Variants in LTBP1 observed in about 807,000 individuals in gnomAD.
LTBP1 encodes latent-transforming growth factor beta-binding protein 1.
In LTBP1, 129 loss-of-function variants were observed where a neutral mutation model predicts 207.6. That is an observed-to-expected ratio of 0.62 (90% CI 0.54 to 0.72). The LOEUF (loss-of-function observed/expected upper bound fraction) is 0.72, where lower values mean the gene tolerates loss of function less well. Ranked by LOEUF, LTBP1 falls within the 30% of genes least tolerant of loss-of-function variation. The probability of loss-of-function intolerance (pLI) is 0.00; values close to 1 mark genes in which losing one functional copy is unlikely to be tolerated. For missense variants in LTBP1, 2,281 were observed against 2,217.2 expected, an observed-to-expected ratio of 1.03 and a Z score of -0.58; for synonymous variants, 963 against 833.7, an observed-to-expected ratio of 1.16 and a Z score of -2.67.
intron 2 of LTBP1, among the ~76,000 whole-genome samples, chr2:32,985,161 C>T (rs1260116497): frequency 2.0e-5 from 3 of 152,118 alleles, no homozygotes; most frequent in Admixed American, 6.5e-5. Flanking sequence ...TGTTTTCCCC[C>T]GGAACACAGG....
chr2:33,244,900 CAG>C (rs1340130824), intron 10 of LTBP1, among the ~76,000 whole-genome samples: 1 of 151,122 alleles, frequency 6.6e-6, no homozygotes, highest in African/African-American at 2.4e-5. Context: ...ATTTTTGAGA[CAG>C]AGTTTCACTT....
chr2:33,253,669 T>G (rs754454759), intron 11 of LTBP1, among the ~76,000 whole-genome samples: 1 of 152,146 alleles, frequency 6.6e-6, no homozygotes, highest in African/African-American at 2.4e-5. Context: ...CACAGGGCCA[T>G]GTAGTGTCTT....
chr2:33,255,139 C>T, intron 11 of LTBP1, among the ~76,000 whole-genome samples: 1 of 120,618 alleles, frequency 8.3e-6, no homozygotes, highest in Middle Eastern at 4.8e-3. Context: ...CATGTGATCT[C>T]ATTGTTCAAT....
chr2:33,200,481 T>C (rs564217064), intron 7 of LTBP1, among the ~76,000 whole-genome samples: 25 of 152,302 alleles, frequency 1.6e-4, no homozygotes, highest in African/African-American at 5.8e-4. Context: ...TAATTGAAGA[T>C]GGATTAAAGA....
At chr2:33,070,678 T>G (rs1026321195) in intron 3 of LTBP1, among the ~76,000 whole-genome samples, 1 of 152,206 alleles carries the variant, frequency 6.6e-6, no homozygotes, top group African/African-American at 2.4e-5. Context: ...GGGAGAGGCA[T>G]GTTCTAACGG....
At chr2:33,151,643 TC>T (rs1273700948) in intron 5 of LTBP1, among the ~76,000 whole-genome samples, 1 of 152,048 alleles carries the variant, frequency 6.6e-6, no homozygotes, top group Non-Finnish European at 1.5e-5. Flanking sequence ...GTCTCTAAAG[TC>T]CATTGTATTA....
At chr2:33,185,241 A>C (rs2087071473) in intron 5 of LTBP1, among the ~76,000 whole-genome samples, 2 of 152,138 alleles carry the variant, frequency 1.3e-5, no homozygotes, top group Non-Finnish European at 2.9e-5. Context: ...CAAAAAGTTG[A>C]CATCTTTGGT....
chr2:33,259,553 A>G (rs2092955096), intron 12 of LTBP1, 35 bp from the exon 13 acceptor site: 3 of 1,511,946 alleles, frequency 2.0e-6, no homozygotes, highest in Non-Finnish European at 2.7e-6. Context: ...ATTGTCTTAA[A>G]TGGTACTAAT....
intron 6 of LTBP1, among the ~76,000 whole-genome samples, chr2:33,188,148 C>T (rs958894716): frequency 2.0e-5 from 3 of 152,080 alleles, no homozygotes; most frequent in Non-Finnish European, 2.9e-5. Flanking sequence ...TGGCTGGGCA[C>T]GGTGGCTCAC....
chr2:33,243,774 A>G lies in LTBP1; in HGVS notation c.1989A>G (p.Ser663=), dbSNP rs748507245. The G allele has an allele frequency of 6.2e-7, 1 of 1,613,960 alleles. No homozygotes were observed. The highest frequency in any genetic ancestry group is 8.5e-7 in the Non-Finnish European group (1 of 1,179,908). The change falls in exon 10 of 34, where the codon TCA becomes TCG. Residue 663 remains serine (S), a synonymous_variant. Transcript: ENST00000404816. The part of the protein sequence containing the change: ...KIGFGPDPTF[S]SCVPDPPVIS... ...GATTTGGGCCGGATCCTACCTTTTC[A>G]AGTTGTGTTCGTAAGTAATAATCAC...
chr2:33,138,061 A>G (rs1219160975), intron 5 of LTBP1, among the ~76,000 whole-genome samples: 1 of 152,120 alleles, frequency 6.6e-6, no homozygotes, highest in Non-Finnish European at 1.5e-5. Context: ...CCTCCTCCAC[A>G]CAGTGCAGGT....
At chr2:33,182,322 G>A (rs1182000420) in intron 5 of LTBP1, among the ~76,000 whole-genome samples, 1 of 151,956 alleles carries the variant, frequency 6.6e-6, no homozygotes, top group Non-Finnish European at 1.5e-5. Flanking sequence ...TGCTGATATT[G>A]GGAATACCTT....
chr2:33,115,477 C>G (rs72871211), intron 4 of LTBP1, among the ~76,000 whole-genome samples: 2,860 of 152,256 alleles, frequency 0.019, 75 homozygotes, highest in African/African-American at 0.059. Context: ...GAATTATACA[C>G]TTAAGGGTGA....
chr2:32,951,733 C>T (rs1677141450), intron 2 of LTBP1, among the ~76,000 whole-genome samples: 1 of 152,184 alleles, frequency 6.6e-6, no homozygotes, highest in African/African-American at 2.4e-5. Flanking sequence ...GTATGAAAGC[C>T]TTGGTGAAAC....
At chr2:33,389,781 A>G (rs1162145547) in intron 32 of LTBP1, among the ~76,000 whole-genome samples, 1 of 152,124 alleles carries the variant, frequency 6.6e-6, no homozygotes, top group Non-Finnish European at 1.5e-5. Context: ...CTGGGATTGC[A>G]GGCACGCACC....
At chr2:32,955,335 C>G (rs1024143430) in intron 2 of LTBP1, among the ~76,000 whole-genome samples, 1 of 152,176 alleles carries the variant, frequency 6.6e-6, no homozygotes, top group Non-Finnish European at 1.5e-5. Flanking sequence ...TCCAGTTTTT[C>G]TTTAGTTAGT....
At chr2:32,969,122 C>T (rs576741022) in intron 2 of LTBP1, among the ~76,000 whole-genome samples, 8 of 151,656 alleles carry the variant, frequency 5.3e-5, no homozygotes, top group African/African-American at 1.9e-4. Context: ...GATGGGGTTT[C>T]ACCATGTTGG....
chr2:33,340,308 G>A (rs2094603597), intron 24 of LTBP1, among the ~76,000 whole-genome samples: 1 of 151,620 alleles, frequency 6.6e-6, no homozygotes, highest in Non-Finnish European at 1.5e-5. Flanking sequence ...CTTGGCTGGA[G>A]AGGAGGATGG....
intron 19 of LTBP1, among the ~76,000 whole-genome samples, chr2:33,286,158 G>C (rs1235008181): frequency 1.3e-5 from 2 of 152,204 alleles, no homozygotes; most frequent in African/African-American, 2.4e-5. Flanking sequence ...AAAATTCTGA[G>C]ATTTTGTCAG....
Sources: gnomAD v4.1 joint callset for allele counts (sites outside exome capture counted in the v4.1 genomes callset) on GRCh38, gnomAD v4.1.1 for gene constraint, MANE v1.5 for transcripts, NCBI Gene and HGNC (gene_info 2026-07-23, HGNC 2026-07-21) for gene names.